The following ATP1A2 variants were observed in gnomAD, a reference collection of about 807,000 sequenced individuals.
ATP1A2 encodes the protein sodium/potassium-transporting ATPase subunit alpha-2.
In ATP1A2, 56 loss-of-function variants were observed where a neutral mutation model predicts 113.1. The ratio of observed to expected loss-of-function variants is 0.49; its 90% CI spans 0.40 to 0.62. The LOEUF (loss-of-function observed/expected upper bound fraction) is 0.62. ATP1A2 is among the 20% of genes least tolerant of loss of function. The pLI, the probability that ATP1A2 is intolerant of heterozygous loss-of-function variation, is 0.00. For missense variants in ATP1A2, 712 were observed against 1,357.8 expected (o/e 0.52, Z 7.47); for synonymous variants, 490 against 526.8 (o/e 0.93, Z 0.96).
chr1:160,139,511 G>C (rs1652064199), intron 20 of ATP1A2, 129 bp from the exon 21 acceptor site: 3 of 804,840 alleles, frequency 3.7e-6, no homozygotes, highest in Admixed American at 3.8e-5. Flanking sequence ...AGAAGAGGCT[G>C]TTGGAAGAAG....
intron 7 of ATP1A2, among the ~76,000 whole-genome samples, chr1:160,125,698 C>A (rs1034054297): frequency 2.6e-5 from 4 of 152,166 alleles, no homozygotes; most frequent in African/African-American, 9.7e-5. Flanking sequence ...TCTGGGAGGG[C>A]CAAGAAGGCA....
intron 19 of ATP1A2, 91 bp downstream of exon 19, chr1:160,136,806 C>T: frequency 6.2e-7 from 1 of 1,614,066 alleles, no homozygotes; most frequent in South Asian, 1.1e-5. Flanking sequence ...CCAACTGGGA[C>T]TGGGGCTAGG....
At chr1:160,129,514 C>A (rs1651700803) in intron 11 of ATP1A2, 114 bp downstream of exon 11, 1 of 1,509,440 alleles carries the variant, frequency 6.6e-7, no homozygotes, top group East Asian at 2.3e-5. Flanking sequence ...GGTCATGTTC[C>A]CTCCCCCTGC....
Position 160,122,360 on chromosome 1 carries a change from T to A in ATP1A2, c.178-853T>A, listed in dbSNP as rs374439436. Among the ~76,000 whole-genome samples, 218 of 150,650 alleles carry A rather than the reference T, an allele frequency of 1.4e-3. 6 individuals carry two copies. In the South Asian group the frequency reaches 0.045, roughly 31 times the overall value. On this transcript the variant is annotated intron_variant, in intron 3 of 22. Transcript: ENST00000361216. The stretch of plus-strand genomic sequence containing the variant: ...TTTGTTGGTCTTGTCCATCTCTGCA[T>A]CCGCAGAGTGACAATTGTGCCTGGC...
chr1:160,135,559 G>A lies in ATP1A2; in HGVS notation c.2241G>A (p.Leu747=), dbSNP rs1432948931. The change falls in exon 16 of 23, where the codon CTG becomes CTA. Residue 747 remains leucine (L), a synonymous_variant. Transcript: ENST00000361216. This position sits in a 1 kb window ranked among gnomAD's most constrained non-coding sequence, Gnocchi z 6.3. ...CTAAGCAGGCAGCCGACATGATCCT[G>A]CTGGATGACAACTTTGCCTCCATCG... ...DVSKQAADMI[L]LDDNFASIVT... is the part of the protein sequence containing the mutation. 1 of 1,614,052 alleles carries A rather than the reference G, an allele frequency of 6.2e-7. No homozygotes were observed. The highest frequency in any genetic ancestry group is 2.2e-5 in the East Asian group (1 of 44,896).
At chr1:160,137,509 C>G (rs557419253) in intron 20 of ATP1A2, among the ~76,000 whole-genome samples, 2 of 152,164 alleles carry the variant, frequency 1.3e-5, no homozygotes, top group Non-Finnish European at 2.9e-5. Flanking sequence ...TTTAGCCCCA[C>G]GATAGCTCTA....
intron 1 of ATP1A2, among the ~76,000 whole-genome samples, chr1:160,117,823 G>C (rs1005003388): frequency 1.1e-4 from 17 of 152,146 alleles, no homozygotes; most frequent in African/African-American, 3.9e-4. Context: ...AGGCTGAGAT[G>C]GGGGGAGCGT....
intron 1 of ATP1A2, 47 bp downstream of exon 1, chr1:160,115,920 G>T (rs1216650925): frequency 6.3e-7 from 1 of 1,591,052 alleles, no homozygotes; most frequent in Non-Finnish European, 8.6e-7. Context: ...GGGTGAGGGA[G>T]GCTGCTGAGG....
At chr1:160,116,364 T>C (rs1651181308) in intron 1 of ATP1A2, among the ~76,000 whole-genome samples, 1 of 151,696 alleles carries the variant, frequency 6.6e-6, no homozygotes, top group Non-Finnish European at 1.5e-5. Flanking sequence ...AGTCACCAAG[T>C]AGTTCCGGAC....
chr1:160,131,380 C>T (rs1001249209), intron 13 of ATP1A2, among the ~76,000 whole-genome samples: 8 of 152,236 alleles, frequency 5.3e-5, no homozygotes, highest in African/African-American at 1.9e-4. Flanking sequence ...CAAGGCCACA[C>T]AGCTAGTGTA....
At chr1:160,120,588 T>C (rs1049082844) in intron 1 of ATP1A2, among the ~76,000 whole-genome samples, 14 of 152,208 alleles carry the variant, frequency 9.2e-5, no homozygotes, top group African/African-American at 3.4e-4. Context: ...AATTTTTGTT[T>C]TGTTTTGTAT....
chr1:160,137,428 G>T lies in ATP1A2; in HGVS notation c.2840+397G>T, dbSNP rs150424895. Among the ~76,000 whole-genome samples, 12 of 152,278 alleles carry T rather than the reference G, an allele frequency of 7.9e-5. No individual in the cohort carries two copies. In the East Asian group the frequency reaches 2.3e-3, roughly 29 times the overall value. ...GTTCTGGAGGCCACGTGCTGCCGAG[G>T]GTCGGGTTCAGCGCTTCTTGCAGTG... On this transcript the variant is annotated intron_variant, in intron 20 of 22. Transcript: ENST00000361216.
rs143969080 is a variant in ATP1A2 at position 160,135,966 on chromosome 1, C to T, written c.2412C>T (p.Ile804=). The part of the protein sequence containing the change: ...NIPLPLGTVT[I]LCIDLGTDMV... ...CCCTACCTCTGGGCACTGTGACCATCCTTTGCATTGACCTGGGCACAGATA... is the reference window on the plus strand; with the variant it reads ...CCCTACCTCTGGGCACTGTGACCATTCTTTGCATTGACCTGGGCACAGATA... The change falls in exon 17 of 23, where the codon ATC becomes ATT. Residue 804 remains isoleucine, a synonymous_variant. Coordinates refer to ENST00000361216, the MANE Select transcript of ATP1A2 (RefSeq NM_000702.4). The surrounding 1 kb of genome is among the most constrained non-coding windows in gnomAD (Gnocchi z 6.3). 1.0e-4 allele frequency: 162 copies of T among 1,614,050 alleles called. No individual in the cohort carries two copies. The East Asian group carries it at 3.6e-3, about 36-fold the overall frequency.
rs1558008675 is a variant in ATP1A2 at position 160,135,801 on chromosome 1, C to T, written c.2285-38C>T. On this transcript the variant is annotated intron_variant, in intron 16 of 22. Transcript: ENST00000361216. This position sits in a 1 kb window ranked among gnomAD's most constrained non-coding sequence, Gnocchi z 6.3. ...CAGGGGCTGGGGGTGGGGAAGAGTC[C>T]CTCTGACCTCCCTGATGCCCTCAGA... 17 of 1,613,958 alleles carry T rather than the reference C, an allele frequency of 1.1e-5. No homozygotes were observed. Among genetic ancestry groups the T allele is most frequent in the Non-Finnish European group, 1.4e-5 (17 of 1,179,958 alleles).
In ATP1A2 at chr1:160,134,563, A is replaced by T; in HGVS notation, c.1907A>T (p.Glu636Val). The change falls in exon 14 of 23, where the codon GAG (glutamate) becomes GTG (valine). Residue 636 changes from glutamate to valine, a missense_variant. By Grantham distance (121) the Glu-to-Val change is moderately radical. Coordinates refer to ENST00000361216, the MANE Select transcript of ATP1A2 (RefSeq NM_000702.4). The stretch of plus-strand genomic sequence containing the variant: ...GTGGGCATCATATCAGAGGGTAACG[A>T]GACTGTGGAGGACATTGCAGCCCGG... ...KGVGIISEGN[E>V]TVEDIAARLN... 6.2e-7 allele frequency: 1 copy of T among 1,614,206 alleles called. No homozygotes were observed. The highest frequency in any genetic ancestry group is 1.1e-5 in the South Asian group (1 of 91,078).
intron 1 of ATP1A2, among the ~76,000 whole-genome samples, chr1:160,117,448 GTCTTT>G (rs1294504213): frequency 6.6e-6 from 1 of 152,138 alleles, no homozygotes; most frequent in Non-Finnish European, 1.5e-5. Flanking sequence ...TTTCCAGTCT[GTCTTT>G]TTCCCCTAGC....
intron 10 of ATP1A2, 40 bp from the exon 11 acceptor site, chr1:160,129,226 C>G (rs373024075): frequency 4.0e-4 from 640 of 1,613,948 alleles, no homozygotes; most frequent in Non-Finnish European, 4.9e-4. Flanking sequence ...CCACTCCCTT[C>G]CCTCCCATGC....
chr1:160,141,023 C>T (rs796525218), intron 22 of ATP1A2, among the ~76,000 whole-genome samples: 17 of 151,998 alleles, frequency 1.1e-4, no homozygotes, highest in African/African-American at 3.6e-4. Context: ...CCACTATGCC[C>T]GACTAATTTT....
In ATP1A2 at chr1:160,136,339, G is replaced by C; in HGVS notation, c.2532G>C (p.Glu844Asp). 6.2e-7 allele frequency: 1 copy of C among 1,614,216 alleles called. No individual in the cohort carries two copies. The highest frequency in any genetic ancestry group is 8.5e-7 in the Non-Finnish European group (1 of 1,180,040). ...RNSQTDKLVN[E>D]RLISMAYGQI... ...CCCAGACGGACAAGCTGGTGAATGA[G>C]AGGCTCATCAGCATGGCCTACGGAC... Residue 844 changes from glutamate to aspartate, a missense_variant, in exon 18 of 23, where the codon GAG becomes GAC. By Grantham distance (45) the Glu-to-Asp change is conservative. This residue lies in a region of ATP1A2 where 188 missense variants were observed against 438.9 expected (regional missense o/e 0.43). Transcript: ENST00000361216.
Sources: gnomAD v4.1 joint callset for allele counts (sites outside exome capture counted in the v4.1 genomes callset) on GRCh38, gnomAD v4.1.1 for gene constraint, gnomAD v4.1.1 regional missense constraint, Gnocchi (gnomAD v3.1) non-coding constraint, MANE v1.5 for transcripts, NCBI Gene and HGNC (gene_info 2026-07-23, HGNC 2026-07-21) for gene names.